GRIK1: variants seen among roughly 807,000 people sequenced by gnomAD.
The protein encoded by GRIK1 is glutamate receptor ionotropic, kainate 1.
In GRIK1, 69 loss-of-function variants were observed where a neutral mutation model predicts 105.7. That is an observed-to-expected ratio of 0.65 (90% CI 0.54 to 0.80). The LOEUF is 0.80. Ranked by LOEUF, GRIK1 falls within the 30% of genes least tolerant of loss-of-function variation. GRIK1 has a pLI of 0.00. For missense variants in GRIK1, 1,109 were observed against 1,167.3 expected (o/e 0.95, Z 0.73); for synonymous variants, 438 against 431.3 (o/e 1.02, Z -0.19).
intron 1 of GRIK1, among the ~76,000 whole-genome samples, chr21:29,828,295 C>A (rs1298602055): frequency 6.6e-6 from 1 of 151,930 alleles, no homozygotes; most frequent in Non-Finnish European, 1.5e-5. Flanking sequence ...AACAGACTGC[C>A]ACAAACCCTA....
rs768194956 is a variant in GRIK1, at chr21:29,598,864, T to C, written c.1172A>G (p.Asp391Gly). 1.5e-5 allele frequency: 24 copies of C among 1,573,796 alleles called. No homozygotes were observed. Among genetic ancestry groups the C allele is most frequent in the Non-Finnish European group, 2.1e-5 (24 of 1,145,816 alleles). The change falls in exon 8 of 18, where the codon GAC becomes GGC. Residue 391 changes from aspartate (D) to glycine (G), a missense_variant. Coordinates refer to ENST00000327783, the MANE Select transcript of GRIK1 (RefSeq NM_001330994.2). ...TCCTTCCTCTTTGAGACTAATAATG[T>C]CCAGATCAAAATCCTTCCTCAAGCC... ...TNGLRKDFDL[D>G]IISLKEEGTE...
chr21:29,859,170 C>G (rs1236274954), intron 1 of GRIK1, among the ~76,000 whole-genome samples: 2 of 143,506 alleles, frequency 1.4e-5, no homozygotes, highest in Non-Finnish European at 3.0e-5. Flanking sequence ...AATGAGAACA[C>G]TTGGACACAG....
chr21:29,813,873 A>G (rs969485518), intron 1 of GRIK1, among the ~76,000 whole-genome samples: 21 of 151,222 alleles, frequency 1.4e-4, no homozygotes, highest in African/African-American at 4.8e-4. Flanking sequence ...TCCACTACGT[A>G]CTAAACACTG....
intron 1 of GRIK1, among the ~76,000 whole-genome samples, chr21:29,820,820 T>C (rs1398504638): frequency 1.3e-5 from 2 of 152,054 alleles, no homozygotes; most frequent in East Asian, 3.9e-4. Flanking sequence ...TCAGGATTTG[T>C]ATCCTAATTT....
chr21:29,684,152 T>A (rs1039149687), intron 3 of GRIK1, among the ~76,000 whole-genome samples: 1 of 152,236 alleles, frequency 6.6e-6, no homozygotes, highest in African/African-American at 2.4e-5. Flanking sequence ...AGAAACAGAC[T>A]GTGGATTCCA....
At chr21:29,824,452 A>C (rs1438207769) in intron 1 of GRIK1, among the ~76,000 whole-genome samples, 1 of 152,028 alleles carries the variant, frequency 6.6e-6, no homozygotes, top group East Asian at 1.9e-4. Context: ...AACATATAAA[A>C]AAAGTCAGAT....
rs1471248648 is a variant in GRIK1 at position 29,815,632 on chromosome 21, A to G, written c.119-121569T>C. ...CTCCACTCTAAAATACTATTATTAA[A>G]AGAGCTCATATAAAAAGAATGCATT... On this transcript the variant is annotated intron_variant, in intron 1 of 17. Coordinates refer to ENST00000327783, the MANE Select transcript of GRIK1 (RefSeq NM_001330994.2). 2.0e-5 allele frequency among the ~76,000 whole-genome samples: 3 copies of G among 152,308 alleles called. No individual in the cohort carries two copies. In the East Asian group the frequency reaches 5.8e-4, roughly 29 times the overall value.
intron 1 of GRIK1, among the ~76,000 whole-genome samples, chr21:29,757,270 A>C (rs973613383): frequency 5.3e-5 from 8 of 152,190 alleles, no homozygotes; most frequent in South Asian, 2.1e-4. Flanking sequence ...ACATTGTTCT[A>C]ATTGGTAAAT....
intron 1 of GRIK1, among the ~76,000 whole-genome samples, chr21:29,740,783 A>G (rs2064907397): frequency 6.6e-6 from 1 of 152,236 alleles, no homozygotes; most frequent in South Asian, 2.1e-4. Flanking sequence ...CATGGGAACC[A>G]TGGTTACCAA....
At position 29,654,874 on chromosome 21, in the gene GRIK1, G is replaced by T. The variant is rs149620623; in HGVS notation, c.727-11C>A. ...GCCCATGAACAGAATCTGCAAAAGAGAAATAAGGGGAAAGAATCAGGAACA... is the reference window on the plus strand; with the variant it reads ...GCCCATGAACAGAATCTGCAAAAGATAAATAAGGGGAAAGAATCAGGAACA... On this transcript the variant is annotated splice_polypyrimidine_tract_variant and intron_variant, in intron 4 of 17. Transcript: ENST00000327783. The T allele has an allele frequency of 2.6e-4, 385 of 1,498,782 alleles. 2 individuals carry two copies. The African/African-American group carries it at 4.5e-3, about 18-fold the overall frequency. The allele number at this position is 1,498,782 out of a possible 1,614,324, so 92.8% of individuals were successfully genotyped here. A position where few individuals can be genotyped will look rare whatever the true frequency, so the allele number is the denominator to read the frequency against.
At chr21:29,772,945 G>C (rs1309796531) in intron 1 of GRIK1, among the ~76,000 whole-genome samples, 1 of 152,008 alleles carries the variant, frequency 6.6e-6, no homozygotes, top group Non-Finnish European at 1.5e-5. Context: ...CTAATGATTG[G>C]AAAATTTTTT....
intron 1 of GRIK1, among the ~76,000 whole-genome samples, chr21:29,938,818 C>T (rs971089026): frequency 2.7e-5 from 4 of 147,580 alleles, no homozygotes; most frequent in African/African-American, 1.0e-4. Context: ...TCTAGTGGAA[C>T]CCGTCAGAGT....
intron 1 of GRIK1, among the ~76,000 whole-genome samples, chr21:29,709,284 T>TG (rs1311058568): frequency 3.4e-5 from 5 of 148,930 alleles, no homozygotes; most frequent in African/African-American, 1.2e-4. Flanking sequence ...TCTTCTTTTT[T>TG]TTTTTTTTTT....
At chr21:29,889,252 G>T (rs2069800801) in intron 1 of GRIK1, among the ~76,000 whole-genome samples, 1 of 152,090 alleles carries the variant, frequency 6.6e-6, no homozygotes, top group African/African-American at 2.4e-5. Context: ...AGTAATATAT[G>T]TTAAGTATTT....
intron 1 of GRIK1, among the ~76,000 whole-genome samples, chr21:29,816,558 T>A (rs73186472): frequency 1.8e-4 from 28 of 152,170 alleles, no homozygotes; most frequent in Non-Finnish European, 2.4e-4. Flanking sequence ...AACAACAGAT[T>A]AATGGGTAAA....
At chr21:29,832,184 C>A (rs974668550) in intron 1 of GRIK1, among the ~76,000 whole-genome samples, 2 of 152,170 alleles carry the variant, frequency 1.3e-5, no homozygotes, top group Non-Finnish European at 2.9e-5. Context: ...GGCATCTCCA[C>A]CCCTATGGAT....
At chr21:29,560,313 TTC>T (rs1491561098) in intron 15 of GRIK1, among the ~76,000 whole-genome samples, 5 of 118,722 alleles carry the variant, frequency 4.2e-5, no homozygotes, top group Admixed American at 9.0e-5. Context: ...CTTTCTTTCT[TTC>T]TTTCTTTCTT....
At chr21:29,569,419 G>T (rs2090687561) in intron 14 of GRIK1, among the ~76,000 whole-genome samples, 2 of 152,172 alleles carry the variant, frequency 1.3e-5, no homozygotes, top group Non-Finnish European at 2.9e-5. Context: ...TCAAGGTACA[G>T]AGAGTTTAAG....
intron 1 of GRIK1, among the ~76,000 whole-genome samples, chr21:29,913,397 C>T (rs893212183): frequency 6.6e-6 from 1 of 151,972 alleles, no homozygotes. Context: ...TACTTATGTA[C>T]TTTTATGTAA....
Sources: allele counts gnomAD v4.1 joint callset (sites outside exome capture counted in the v4.1 genomes callset), GRCh38; gene constraint gnomAD v4.1.1; transcripts MANE v1.5; gene names NCBI Gene and HGNC (gene_info 2026-07-23, HGNC 2026-07-21).